CINP: variants seen among roughly 807,000 people sequenced by gnomAD.
CINP encodes cyclin-dependent kinase 2-interacting protein.
In CINP, 11 loss-of-function variants were observed where a neutral mutation model predicts 20.5. The ratio of observed to expected loss-of-function variants is 0.54; its 90% CI spans 0.34 to 0.89. The LOEUF (loss-of-function observed/expected upper bound fraction) is 0.89. Among genes scored for constraint, CINP ranks in the 40% least tolerant of loss-of-function variants. The pLI is 0.02. For synonymous variants in CINP, 108 were observed against 102.1 expected, an observed-to-expected ratio of 1.06 and a Z score of -0.35; for missense variants, 213 against 251.0, an observed-to-expected ratio of 0.85 and a Z score of 1.02.
chr14:102,361,486 A>C (rs1212525272), intron 1 of CINP, among the ~76,000 whole-genome samples: 2 of 152,080 alleles, frequency 1.3e-5, no homozygotes, highest in South Asian at 2.1e-4. Context: ...AAAAAAATAC[A>C]AAAAATCAGC....
intron 2 of CINP, among the ~76,000 whole-genome samples, chr14:102,357,275 G>A (rs1887019608): frequency 2.0e-5 from 3 of 151,970 alleles, no homozygotes; most frequent in Admixed American, 1.3e-4. Flanking sequence ...CCAGCTACTT[G>A]GGAGGCAAAG....
intron 2 of CINP, among the ~76,000 whole-genome samples, chr14:102,357,097 G>A (rs1464905724): frequency 6.6e-6 from 1 of 152,158 alleles, no homozygotes; most frequent in Non-Finnish European, 1.5e-5. Flanking sequence ...GCTCAGATAA[G>A]GGGCCAGGTG....
chr14:102,362,125 T>C (rs1887178001), intron 1 of CINP, among the ~76,000 whole-genome samples: 1 of 152,140 alleles, frequency 6.6e-6, no homozygotes, highest in East Asian at 1.9e-4. Context: ...CTAAGGGTTT[T>C]CCCCCCAACA....
intron 3 of CINP, among the ~76,000 whole-genome samples, chr14:102,353,923 C>A (rs559181355): frequency 1.7e-3 from 255 of 152,080 alleles, no homozygotes; most frequent in Non-Finnish European, 3.2e-3. Flanking sequence ...CCCGTCTGTA[C>A]AAACGAATTT....
chr14:102,352,134 C>T (rs1886883125), intron 3 of CINP, among the ~76,000 whole-genome samples: 1 of 152,168 alleles, frequency 6.6e-6, no homozygotes, highest in Admixed American at 6.5e-5. Flanking sequence ...GATCCGCCCA[C>T]CTCAGCCTCC....
In CINP at chr14:102,350,810, T is replaced by C. The variant is rs562777699; in HGVS notation, c.307-762A>G. Among the ~76,000 whole-genome samples, 407 of 143,652 alleles carry C rather than the reference T, an allele frequency of 2.8e-3. 1 individual carries two copies. Among genetic ancestry groups the C allele is most frequent in the African/African-American group, 8.6e-3 (338 of 39,224 alleles). The allele number at this position is 143,652 out of a possible 152,430, so 94.2% of individuals were successfully genotyped here. A position where few individuals can be genotyped will look rare whatever the true frequency, so the allele number is the denominator to read the frequency against. On this transcript the variant is annotated intron_variant, in intron 3 of 4. Transcript: ENST00000216756. ...TTTCTGATGTTCTCTCTCTCTCTCTTTTTTTTTTTTTTTTTTGAGACGGAG... is the reference window on the plus strand; with the variant it reads ...TTTCTGATGTTCTCTCTCTCTCTCTCTTTTTTTTTTTTTTTTGAGACGGAG...
intron 2 of CINP, among the ~76,000 whole-genome samples, chr14:102,357,956 C>T (rs1379532813): frequency 6.6e-6 from 1 of 152,220 alleles, no homozygotes; most frequent in Non-Finnish European, 1.5e-5. Context: ...CAGGCTCACC[C>T]TCTTATTAGG....
At chr14:102,350,425 C>G (rs1886841064) in intron 3 of CINP, among the ~76,000 whole-genome samples, 1 of 139,748 alleles carries the variant, frequency 7.2e-6, no homozygotes, top group African/African-American at 2.7e-5. Context: ...GGGTCTCATT[C>G]TGTGTGGCAT....
intron 2 of CINP, among the ~76,000 whole-genome samples, chr14:102,357,463 A>G (rs531344786): frequency 9.2e-4 from 140 of 152,242 alleles, no homozygotes; most frequent in African/African-American, 3.3e-3. Context: ...TGTGAAGGCA[A>G]AGGAAAAGTT....
intron 3 of CINP, chr14:102,355,532 A>T: frequency 1.0e-5 from 4 of 396,986 alleles, no homozygotes; most frequent in East Asian, 4.3e-5. Context: ...AAAAAAAAAA[A>T]TTTACTATGT....
At chr14:102,350,095 A>G in intron 3 of CINP, 47 bp from the exon 4 acceptor site, 1 of 1,535,574 alleles carries the variant, frequency 6.5e-7, no homozygotes, top group Non-Finnish European at 8.9e-7. Context: ...TGAAATCTCC[A>G]GTCTCAGATT....
At chr14:102,356,585 G>A (rs1033909113) in intron 2 of CINP, among the ~76,000 whole-genome samples, 2 of 152,114 alleles carry the variant, frequency 1.3e-5, no homozygotes, top group African/African-American at 4.8e-5. Flanking sequence ...CATAGATAAT[G>A]CATTTTTTAC....
chr14:102,352,100 A>G (rs1477755442), intron 3 of CINP, among the ~76,000 whole-genome samples: 1 of 152,064 alleles, frequency 6.6e-6, no homozygotes, highest in Non-Finnish European at 1.5e-5. Flanking sequence ...GTTAGCCAGG[A>G]TGGTCTCGAT....
intron 2 of CINP, among the ~76,000 whole-genome samples, 190 bp downstream of exon 2, chr14:102,359,229 T>TAA (rs2139634296): frequency 8.8e-6 from 1 of 113,754 alleles, no homozygotes; most frequent in African/African-American, 2.9e-5. Flanking sequence ...AATAACTAAA[T>TAA]ATATATATAT....
Position 102,359,234 on chromosome 14 carries a change from A to ATATATATATATATG in CINP, c.176+184_176+185insCATATATATATATA, listed in dbSNP as rs1555446399. 2.1e-4 allele frequency among the ~76,000 whole-genome samples: 25 copies of ATATATATATATATG among 118,496 alleles called. 2 individuals carry two copies. The highest frequency in any genetic ancestry group is 6.7e-4 in the African/African-American group (25 of 37,484). 77.7% of individuals were successfully genotyped at this position (118,496 alleles called of 152,430 possible). On this transcript the variant is annotated intron_variant, in intron 2 of 4. Transcript: ENST00000216756. ...TAAATAAATAAATAACTAAATATAT[A>ATATATATATATATG]TATATATATATATATATATGGAATA... is the stretch of plus-strand genomic sequence containing the variant.
intron 3 of CINP, among the ~76,000 whole-genome samples, chr14:102,354,462 A>G (rs748078327): frequency 1.3e-5 from 2 of 152,232 alleles, no homozygotes; most frequent in Non-Finnish European, 2.9e-5. Flanking sequence ...GTGTCCAAAG[A>G]TAAAGATTTC....
chr14:102,359,364 TC>T, intron 2 of CINP, 54 bp downstream of exon 2: 3 of 1,300,854 alleles, frequency 2.3e-6, no homozygotes, highest in South Asian at 3.1e-5. Context: ...TCACATTATT[TC>T]CCCAGTTATT....
Position 102,348,538 on chromosome 14 carries a change from C to A in CINP, c.*19G>T. 6.3e-7 allele frequency: 1 copy of A among 1,598,384 alleles called. No individual in the cohort carries two copies. Among genetic ancestry groups the A allele is most frequent in the South Asian group, 1.1e-5 (1 of 89,480 alleles). ...GGTGAGACGTGGAAGGAGCCAGTGTCCGCAGCCGTCTCAGGACGTCAGAGA... is the reference window on the plus strand; with the variant it reads ...GGTGAGACGTGGAAGGAGCCAGTGTACGCAGCCGTCTCAGGACGTCAGAGA... On this transcript the variant is annotated 3_prime_UTR_variant, in exon 5 of 5. Coordinates refer to ENST00000216756, the MANE Select transcript of CINP (RefSeq NM_032630.3).
intron 2 of CINP, among the ~76,000 whole-genome samples, chr14:102,358,575 G>C (rs554508957): frequency 7.2e-5 from 11 of 152,284 alleles, no homozygotes; most frequent in Admixed American, 7.2e-4. Flanking sequence ...TAGCTACTCA[G>C]GAGGCTGAGA....
Sources: allele counts gnomAD v4.1 joint callset (sites outside exome capture counted in the v4.1 genomes callset), GRCh38; gene constraint gnomAD v4.1.1; transcripts MANE v1.5; gene names NCBI Gene and HGNC (gene_info 2026-07-23, HGNC 2026-07-21).